RFX4: variants seen among roughly 807,000 people sequenced by gnomAD.
RFX4 encodes the protein transcription factor RFX4.
In RFX4, 10 loss-of-function variants were observed where a neutral mutation model predicts 95.0. The observed-to-expected ratio is 0.11, with a 90% CI of 0.06 to 0.18. The LOEUF (loss-of-function observed/expected upper bound fraction) is 0.18. Among genes scored for constraint, RFX4 ranks in the 10% least tolerant of loss-of-function variants. The pLI is 1.00. For missense variants in RFX4, 640 were observed against 922.0 expected, an observed-to-expected ratio of 0.69 and a Z score of 3.96; for synonymous variants, 321 against 340.7, an observed-to-expected ratio of 0.94 and a Z score of 0.64.
chr12:106,681,940 A>C, intron 4 of RFX4, 53 bp from the exon 5 acceptor site: 1 of 1,591,838 alleles, frequency 6.3e-7, no homozygotes. Flanking sequence ...AAACTCAGTC[A>C]CTATGCTCCC....
chr12:106,648,971 A>G (rs937686600), intron 3 of RFX4, among the ~76,000 whole-genome samples: 1 of 152,166 alleles, frequency 6.6e-6, no homozygotes, highest in Non-Finnish European at 1.5e-5. Flanking sequence ...TATAACTCAG[A>G]TAATGACTCA....
At chr12:106,715,627 TC>T in intron 11 of RFX4, 83 bp downstream of exon 11, 1 of 1,483,694 alleles carries the variant, frequency 6.7e-7, no homozygotes, top group Non-Finnish European at 9.3e-7. Flanking sequence ...CGAAGTGGCA[TC>T]CCCACCCTGT....
intron 1 of RFX4, among the ~76,000 whole-genome samples, chr12:106,600,739 C>G (rs1234690084): frequency 6.6e-6 from 1 of 152,108 alleles, no homozygotes; most frequent in Non-Finnish European, 1.5e-5. Context: ...TGCTGCTCTC[C>G]CCACCTCCCG....
chr12:106,744,213 T>C (rs1213454916), intron 15 of RFX4, among the ~76,000 whole-genome samples: 5 of 152,334 alleles, frequency 3.3e-5, no homozygotes, highest in Admixed American at 6.5e-5. Context: ...CTTGTACTTA[T>C]AAATCAAGCC....
chr12:106,601,154 C>A (rs2137182327), intron 1 of RFX4: 1 of 1,465,904 alleles, frequency 6.8e-7, no homozygotes, highest in Non-Finnish European at 9.1e-7. Context: ...TGGCAACCCA[C>A]TGACCTGAGC....
chr12:106,650,472 C>G (rs1244987602), intron 3 of RFX4, among the ~76,000 whole-genome samples: 1 of 152,190 alleles, frequency 6.6e-6, no homozygotes, highest in Non-Finnish European at 1.5e-5. Context: ...GTGGCTCATG[C>G]CTGTAATCCC....
chr12:106,739,743 A>G (rs151276092), intron 15 of RFX4, among the ~76,000 whole-genome samples: 1 of 152,312 alleles, frequency 6.6e-6, no homozygotes, highest in African/African-American at 2.4e-5. Context: ...TTCCATTCCA[A>G]CAGATTTCCA....
At chr12:106,755,837 T>TG in intron 17 of RFX4, among the ~76,000 whole-genome samples, 1 of 152,160 alleles carries the variant, frequency 6.6e-6, no homozygotes, top group Non-Finnish European at 1.5e-5. Context: ...ACAATATGGT[T>TG]GGAGAAATGC....
At chr12:106,614,774 G>T (rs2040040173) in intron 2 of RFX4, among the ~76,000 whole-genome samples, 1 of 152,122 alleles carries the variant, frequency 6.6e-6, no homozygotes, top group Admixed American at 6.5e-5. Context: ...CTCCCAAAGT[G>T]CTAGGATTAC....
intron 1 of RFX4, among the ~76,000 whole-genome samples, chr12:106,594,802 TAA>T (rs35505166): frequency 5.6e-5 from 8 of 141,854 alleles, no homozygotes; most frequent in African/African-American, 5.3e-5. Flanking sequence ...TGAGAGGGAT[TAA>T]AAAAAAAAAA....
intron 1 of RFX4, among the ~76,000 whole-genome samples, chr12:106,598,626 C>T (rs2039653615): frequency 6.6e-6 from 1 of 152,080 alleles, no homozygotes; most frequent in Admixed American, 6.5e-5. Context: ...GGTGGCTTAC[C>T]TCAAAAGTTC....
intron 2 of RFX4, among the ~76,000 whole-genome samples, chr12:106,610,038 TGTATGA>T (rs773394995): frequency 6.6e-6 from 1 of 152,150 alleles, no homozygotes; most frequent in Non-Finnish European, 1.5e-5. Context: ...AGTATTTCAC[TGTATGA>T]GTATATCACA....
At chr12:106,618,740 G>T (rs1170614878) in intron 2 of RFX4, among the ~76,000 whole-genome samples, 2 of 151,910 alleles carry the variant, frequency 1.3e-5, no homozygotes, top group Non-Finnish European at 2.9e-5. Context: ...ATTTAATATT[G>T]TTACTGACAT....
intron 15 of RFX4, among the ~76,000 whole-genome samples, chr12:106,734,760 A>T (rs954413423): frequency 6.6e-6 from 1 of 151,942 alleles, no homozygotes; most frequent in Admixed American, 6.6e-5. Flanking sequence ...TATTGTTAAG[A>T]TGAGAACTAA....
chr12:106,705,225 C>T (rs542114404), intron 8 of RFX4, among the ~76,000 whole-genome samples: 3 of 152,320 alleles, frequency 2.0e-5, no homozygotes, highest in African/African-American at 7.2e-5. Flanking sequence ...GCACATTGCA[C>T]TCATTAAAAG....
chr12:106,649,704 T>C (rs1484926196), intron 3 of RFX4, among the ~76,000 whole-genome samples: 1 of 152,182 alleles, frequency 6.6e-6, no homozygotes, highest in African/African-American at 2.4e-5. Context: ...ACAAGGAGCT[T>C]AAATAAAGTA....
chr12:106,655,132 T>C (rs2137321995), intron 4 of RFX4, among the ~76,000 whole-genome samples: 1 of 152,134 alleles, frequency 6.6e-6, no homozygotes, highest in Middle Eastern at 3.4e-3. Context: ...AGTGTATGAG[T>C]TTCAGGAATT....
intron 11 of RFX4, among the ~76,000 whole-genome samples, chr12:106,718,954 CAAAAAAAA>C (rs34996369): frequency 9.3e-6 from 1 of 107,690 alleles, no homozygotes; most frequent in African/African-American, 3.7e-5. Context: ...ACTAAAGATA[CAAAAAAAA>C]AAAAAAAAAA....
chr12:106,591,275 T>A lies in RFX4; in HGVS notation c.43+7912T>A, dbSNP rs1263061014. Among the ~76,000 whole-genome samples, 28 of 144,162 alleles carry A rather than the reference T, an allele frequency of 1.9e-4. 1 individual carries two copies. The East Asian group carries it at 5.1e-3, about 26-fold the overall frequency. The allele number at this position is 144,162 out of a possible 152,430, so 94.6% of individuals were successfully genotyped here. A position where few individuals can be genotyped will look rare whatever the true frequency, so the allele number is the denominator to read the frequency against. On this transcript the variant is annotated intron_variant, in intron 1 of 17. Transcript: ENST00000392842. ...TTAAAATAGTCCCTTTTTTTTTTTT[T>A]TTTTTTTTTTTTGACGGAGTCTTGC...
Sources: allele counts gnomAD v4.1 joint callset (sites outside exome capture counted in the v4.1 genomes callset), GRCh38; gene constraint gnomAD v4.1.1; transcripts MANE v1.5; gene names NCBI Gene and HGNC (gene_info 2026-07-23, HGNC 2026-07-21).